The following MEI4 variants were observed in gnomAD, a reference collection of about 807,000 sequenced individuals.
MEI4 encodes the protein meiosis-specific protein MEI4.
MEI4 carries 27 observed loss-of-function variants against 31.4 expected under a neutral mutation model. The ratio of observed to expected loss-of-function variants is 0.86; its 90% CI spans 0.63 to 1.19. MEI4 has a LOEUF of 1.19. Ranked by LOEUF, MEI4 falls within the 50% of genes most tolerant of loss-of-function variation. The pLI is 0.00. For missense variants in MEI4, 329 were observed against 398.9 expected, an observed-to-expected ratio of 0.82 and a Z score of 1.49; for synonymous variants, 122 against 145.4, an observed-to-expected ratio of 0.84 and a Z score of 1.16.
intron 4 of MEI4, among the ~76,000 whole-genome samples, chr6:77,907,292 C>T (rs552008714): frequency 2.6e-5 from 4 of 152,220 alleles, no homozygotes; most frequent in South Asian, 4.2e-4. Flanking sequence ...TCCCCCTCCC[C>T]GCACTCCACA....
chr6:77,782,914 G>A lies in MEI4; in HGVS notation c.768+21249G>A, dbSNP rs75044451. Among the ~76,000 whole-genome samples, 1,193 of 152,262 alleles carry A rather than the reference G, an allele frequency of 7.8e-3. 18 individuals carry two copies. Among genetic ancestry groups the A allele is most frequent in the African/African-American group, 0.028 (1,144 of 41,530 alleles). On this transcript the variant is annotated intron_variant, in intron 3 of 4. Coordinates refer to ENST00000684080, the MANE Select transcript of MEI4 (RefSeq NM_001322247.2). Reference sequence around the variant, plus strand: ...AGTAAGTATAGCACTACAGTAATTGGCAACCATTTAAATTAACTTTATTTC... The same window carrying A: ...AGTAAGTATAGCACTACAGTAATTGACAACCATTTAAATTAACTTTATTTC...
chr6:77,787,732 T>G (rs1399979220), intron 3 of MEI4, among the ~76,000 whole-genome samples: 1 of 152,056 alleles, frequency 6.6e-6, no homozygotes, highest in Non-Finnish European at 1.5e-5. Flanking sequence ...ATCTAAAAAT[T>G]ACCTGAAAAA....
At chr6:77,726,500 C>T (rs1475069365) in intron 2 of MEI4, among the ~76,000 whole-genome samples, 1 of 152,074 alleles carries the variant, frequency 6.6e-6, no homozygotes, top group Non-Finnish European at 1.5e-5. Flanking sequence ...AAGCGTAGAG[C>T]ATCAATAAGC....
intron 4 of MEI4, among the ~76,000 whole-genome samples, chr6:77,882,491 C>A (rs1432576901): frequency 1.3e-5 from 2 of 152,164 alleles, no homozygotes; most frequent in African/African-American, 4.8e-5. Flanking sequence ...GTTGGAGTTG[C>A]ATGGTTTTTT....
At chr6:77,672,485 C>G (rs1582009320) in intron 1 of MEI4, among the ~76,000 whole-genome samples, 1 of 152,172 alleles carries the variant, frequency 6.6e-6, no homozygotes, top group Non-Finnish European at 1.5e-5. Flanking sequence ...TGCAAATATA[C>G]TTTGTATGGT....
intron 4 of MEI4, among the ~76,000 whole-genome samples, chr6:77,864,533 C>T (rs535659156): frequency 6.6e-6 from 1 of 152,120 alleles, no homozygotes; most frequent in South Asian, 2.1e-4. Flanking sequence ...AGAGCTAACT[C>T]TTCTAAATAT....
chr6:77,778,526 C>G (rs143052318), intron 3 of MEI4, among the ~76,000 whole-genome samples: 3 of 151,794 alleles, frequency 2.0e-5, no homozygotes, highest in Non-Finnish European at 4.4e-5. Flanking sequence ...CATGGAGAAG[C>G]CCTGTCTCTA....
At chr6:77,652,966 T>G (rs957716038), upstream of MEI4, among the ~76,000 whole-genome samples, 1 of 152,142 alleles carries the variant, frequency 6.6e-6, no homozygotes, top group Non-Finnish European at 1.5e-5. Context: ...AGGAAGGAAT[T>G]TTCAAGAATA....
intron 4 of MEI4, among the ~76,000 whole-genome samples, chr6:77,904,555 T>TA (rs1766251643): frequency 6.6e-6 from 1 of 152,100 alleles, no homozygotes; most frequent in Admixed American, 6.6e-5. Context: ...AATGAGAACA[T>TA]ACAGGATTTG....
In MEI4 at chr6:77,667,248, C is replaced by T. The variant is rs545417260; in HGVS notation, c.-15+14156C>T. Among the ~76,000 whole-genome samples, 4 of 152,216 alleles carry T rather than the reference C, an allele frequency of 2.6e-5. No individual in the cohort carries two copies. The South Asian group carries it at 8.3e-4, about 32-fold the overall frequency. ...AAGTGAATTCAGAGTATCCAATTTT[C>T]AGAGGTGTCCAATAGACATTTGTTA... On this transcript the variant is annotated intron_variant, in intron 1 of 4. Coordinates refer to ENST00000684080, the MANE Select transcript of MEI4 (RefSeq NM_001322247.2).
intron 2 of MEI4, among the ~76,000 whole-genome samples, chr6:77,736,362 A>G (rs1205034870): frequency 6.6e-6 from 1 of 152,042 alleles, no homozygotes. Context: ...GCCCGTTGGA[A>G]AAGCGCAGTA....
chr6:77,693,428 A>AT (rs1434925971), intron 2 of MEI4, among the ~76,000 whole-genome samples: 2 of 152,000 alleles, frequency 1.3e-5, no homozygotes, highest in African/African-American at 4.8e-5. Context: ...TGTGCATGTT[A>AT]TTTTTTTGTA....
chr6:77,886,486 A>C (rs1771622259), intron 4 of MEI4, among the ~76,000 whole-genome samples: 1 of 151,812 alleles, frequency 6.6e-6, no homozygotes, highest in Admixed American at 6.6e-5. Flanking sequence ...GCTGGAGTGC[A>C]GTGGTGCAAG....
intron 2 of MEI4, among the ~76,000 whole-genome samples, chr6:77,727,306 G>A (rs753723900): frequency 1.5e-4 from 23 of 152,174 alleles, no homozygotes; most frequent in Non-Finnish European, 3.1e-4. Flanking sequence ...ATAATCTTCA[G>A]CGCTTTGGAG....
In MEI4 at chr6:77,925,663, A is replaced by G. The variant is rs1766824704; in HGVS notation, c.*2317A>G. ...ATTGAAACTGGATATAAGATAGGAT[A>G]GGAAATAAAGAGAACCATAGAATGA... On this transcript the variant is annotated 3_prime_UTR_variant, in exon 5 of 5. Transcript: ENST00000684080. 1.3e-5 allele frequency: 2 copies of G among 151,428 alleles called. No individual in the cohort carries two copies. The highest frequency in any genetic ancestry group is 2.4e-5 in the African/African-American group (1 of 41,432). The allele number at this position is 151,428 out of a possible 1,614,324, so 9.4% of individuals were successfully genotyped here. A position where few individuals can be genotyped will look rare whatever the true frequency, so the allele number is the denominator to read the frequency against.
At chr6:77,732,778 T>G (rs1270057346) in intron 2 of MEI4, among the ~76,000 whole-genome samples, 1 of 152,044 alleles carries the variant, frequency 6.6e-6, no homozygotes, top group East Asian at 1.9e-4. Flanking sequence ...CATAGATAGC[T>G]CTTATTATTT....
intron 4 of MEI4, among the ~76,000 whole-genome samples, chr6:77,874,641 T>A (rs1276084499): frequency 6.6e-6 from 1 of 152,116 alleles, no homozygotes; most frequent in Non-Finnish European, 1.5e-5. Flanking sequence ...TCCAACACTA[T>A]GTTGAATAGG....
intron 3 of MEI4, among the ~76,000 whole-genome samples, chr6:77,764,860 CTT>C (rs200066469): frequency 0.01 from 1,570 of 152,124 alleles, 27 homozygotes; most frequent in African/African-American, 0.036. Flanking sequence ...TTTGAACAAA[CTT>C]TGTGTCAAAG....
At chr6:77,833,052 C>T (rs1770123227) in intron 4 of MEI4, among the ~76,000 whole-genome samples, 1 of 151,978 alleles carries the variant, frequency 6.6e-6, no homozygotes, top group African/African-American at 2.4e-5. Flanking sequence ...ATAAAAGTTT[C>T]CTAAATATCT....
Sources: gnomAD v4.1 joint callset for allele counts (sites outside exome capture counted in the v4.1 genomes callset) on GRCh38, gnomAD v4.1.1 for gene constraint, MANE v1.5 for transcripts, NCBI Gene and HGNC (gene_info 2026-07-23, HGNC 2026-07-21) for gene names.